The following ABLIM1 variants were observed in gnomAD, a reference collection of about 807,000 sequenced individuals.
ABLIM1 encodes actin binding LIM protein 1, also known as actin-binding LIM protein 1.
In ABLIM1, 40 loss-of-function variants were observed where a neutral mutation model predicts 107.0. The observed-to-expected ratio is 0.37, with a 90% CI of 0.29 to 0.49. The LOEUF (loss-of-function observed/expected upper bound fraction) is 0.49, where lower values mean the gene tolerates loss of function less well. Among genes scored for constraint, ABLIM1 ranks in the 20% least tolerant of loss-of-function variants. The probability of loss-of-function intolerance (pLI) is 0.97; values close to 1 mark genes in which losing one functional copy is unlikely to be tolerated. For missense variants in ABLIM1, 857 were observed against 1,008.5 expected, an observed-to-expected ratio of 0.85 and a Z score of 2.04; for synonymous variants, 357 against 357.3, an observed-to-expected ratio of 1.00 and a Z score of 0.01.
In ABLIM1 at chr10:114,433,118, C is replaced by A. The variant is rs2059023830; in HGVS notation, c.*3142G>T. 1 of 152,178 alleles carries A rather than the reference C, an allele frequency of 6.6e-6. No homozygotes were observed. Among genetic ancestry groups the A allele is most frequent in the South Asian group, 2.1e-4 (1 of 4,822 alleles). 9.4% of individuals were successfully genotyped at this position (152,178 alleles called of 1,614,324 possible). A position where few individuals can be genotyped will look rare whatever the true frequency, so the allele number is the denominator to read the frequency against. ...GGAAGTCAAATGTTCCCAAATGTAGCCCTTTACATCGGCACCAGGGAAGCC... is the reference window on the plus strand; with the variant it reads ...GGAAGTCAAATGTTCCCAAATGTAGACCTTTACATCGGCACCAGGGAAGCC... On this transcript the variant is annotated 3_prime_UTR_variant, in exon 23 of 23. Transcript: ENST00000533213.
chr10:114,795,187 T>G, the ABLIM1 span, among the ~76,000 whole-genome samples: 1 of 152,120 alleles, frequency 6.6e-6, no homozygotes, highest in Non-Finnish European at 1.5e-5. Flanking sequence ...CGCATACAAA[T>G]GGTAGCGTCT....
At chr10:114,611,173 AC>A (rs2076784919) in intron 1 of ABLIM1, among the ~76,000 whole-genome samples, 2 of 151,096 alleles carry the variant, frequency 1.3e-5, no homozygotes, top group South Asian at 4.2e-4. Flanking sequence ...AAAAATAGAT[AC>A]CCTGATACTT....
At chr10:114,765,371 A>T (rs1451919999) in intron 1 of ABLIM1, among the ~76,000 whole-genome samples, 3 of 133,826 alleles carry the variant, frequency 2.2e-5, no homozygotes, top group Non-Finnish European at 5.2e-5. Context: ...AAAAAAAAAA[A>T]ATATTCTATT....
At chr10:114,588,593 C>T (rs2074464583) in intron 2 of ABLIM1, among the ~76,000 whole-genome samples, 1 of 134,092 alleles carries the variant, frequency 7.5e-6, no homozygotes, top group Admixed American at 8.6e-5. Context: ...CTCCACAGTT[C>T]AAGCAATTCT....
At chr10:114,472,057 A>G (rs7905727) in intron 10 of ABLIM1, among the ~76,000 whole-genome samples, 3,785 of 152,096 alleles carry the variant, frequency 0.025, 169 homozygotes, top group African/African-American at 0.088. Context: ...ATGGGTCTGC[A>G]GGCCGAGTAT....
intron 15 of ABLIM1, 152 bp downstream of exon 15, chr10:114,447,728 A>T: frequency 1.8e-6 from 2 of 1,094,088 alleles, no homozygotes; most frequent in Middle Eastern, 2.6e-4. Context: ...ACAAGTTAAT[A>T]CCACGTTAGT....
intron 6 of ABLIM1, among the ~76,000 whole-genome samples, chr10:114,521,926 G>C (rs191433393): frequency 1.8e-3 from 276 of 152,288 alleles, no homozygotes; most frequent in Non-Finnish European, 2.9e-3. Flanking sequence ...GATGGCCTAG[G>C]GGTTGGGCAG....
At chr10:114,788,333 A>T in the ABLIM1 span, among the ~76,000 whole-genome samples, 2 of 133,704 alleles carry the variant, frequency 1.5e-5, no homozygotes, top group Non-Finnish European at 3.1e-5. Context: ...CAATAAAAAA[A>T]TAAAAAAAAA....
the ABLIM1 span, among the ~76,000 whole-genome samples, chr10:114,786,537 A>G: frequency 6.6e-6 from 1 of 152,266 alleles, no homozygotes; most frequent in African/African-American, 2.4e-5. Flanking sequence ...TGGATTAAAC[A>G]GTATTAAACT....
intron 6 of ABLIM1, among the ~76,000 whole-genome samples, chr10:114,493,571 G>A (rs1016827944): frequency 3.3e-5 from 5 of 152,000 alleles, no homozygotes; most frequent in East Asian, 1.9e-4. Flanking sequence ...TAAAGATCAC[G>A]AATACAAAAA....
intron 1 of ABLIM1, among the ~76,000 whole-genome samples, chr10:114,740,293 C>T (rs150555555): frequency 1.6e-3 from 251 of 152,292 alleles, no homozygotes; most frequent in Middle Eastern, 6.8e-3. Flanking sequence ...GCTTTTCCTA[C>T]TCGTAGCATA....
chr10:114,563,261 GTTGT>G (rs2070059540), intron 4 of ABLIM1, among the ~76,000 whole-genome samples: 1 of 152,178 alleles, frequency 6.6e-6, no homozygotes, highest in African/African-American at 2.4e-5. Flanking sequence ...TAATATGTGT[GTTGT>G]TTTTCAATGA....
At chr10:114,558,519 T>C (rs1350982497) in intron 4 of ABLIM1, among the ~76,000 whole-genome samples, 2 of 152,132 alleles carry the variant, frequency 1.3e-5, no homozygotes, top group African/African-American at 4.8e-5. Flanking sequence ...ATGGCTGATC[T>C]GATGAGCCCA....
chr10:114,629,848 A>C lies in ABLIM1; in HGVS notation c.245-27887T>G, dbSNP rs1395768319. Among the ~76,000 whole-genome samples, 1 of 151,178 alleles carries C rather than the reference A, an allele frequency of 6.6e-6. No individual in the cohort carries two copies. ...GTGTACCTACCAAAAACAAACAAACAAACAAACAAAAATGAAACGAAACGA... is the reference window on the plus strand; with the variant it reads ...GTGTACCTACCAAAAACAAACAAACCAACAAACAAAAATGAAACGAAACGA... On this transcript the variant is annotated intron_variant, in intron 1 of 22. Transcript: ENST00000533213. This position sits in a 1 kb window ranked among gnomAD's most constrained non-coding sequence, Gnocchi z 4.0.
At position 114,432,117 on chromosome 10, in the gene ABLIM1, T is replaced by C; in HGVS notation, c.*4143A>G. ...GTCCCAAATAATCTCTTTTTCTGGA[T>C]AGAAAGTTATTCAAAAGGGAGCACA... On this transcript the variant is annotated 3_prime_UTR_variant, in exon 23 of 23. Coordinates refer to ENST00000533213, the MANE Select transcript of ABLIM1 (RefSeq NM_002313.7). 1 of 152,210 alleles carries C rather than the reference T, an allele frequency of 6.6e-6. No homozygotes were observed. The highest frequency in any genetic ancestry group is 1.9e-4 in the East Asian group (1 of 5,196). The allele number at this position is 152,210 out of a possible 1,614,324, so 9.4% of individuals were successfully genotyped here. A position where few individuals can be genotyped will look rare whatever the true frequency, so the allele number is the denominator to read the frequency against.
intron 1 of ABLIM1, among the ~76,000 whole-genome samples, chr10:114,641,275 A>AAAAG (rs1456354545): frequency 4.1e-5 from 6 of 146,116 alleles, no homozygotes; most frequent in East Asian, 2.0e-4. Context: ...AAAAAAAAAA[A>AAAAG]GTGGACTTCG....
chr10:114,641,247 TA>T (rs35168530), intron 1 of ABLIM1, among the ~76,000 whole-genome samples: 1,663 of 36,996 alleles, frequency 0.045, 12 homozygotes, highest in African/African-American at 0.093. Flanking sequence ...AAGCCAATCA[TA>T]AAAAAAAAAA....
intron 1 of ABLIM1, among the ~76,000 whole-genome samples, chr10:114,731,207 C>T (rs962226169): frequency 5.3e-5 from 8 of 151,930 alleles, no homozygotes; most frequent in Non-Finnish European, 8.8e-5. Flanking sequence ...GTGGCATGAT[C>T]TTGGCTCACT....
chr10:114,503,562 T>C (rs924004856), intron 6 of ABLIM1, among the ~76,000 whole-genome samples: 1 of 152,172 alleles, frequency 6.6e-6, no homozygotes, highest in African/African-American at 2.4e-5. Context: ...TATACATATA[T>C]ATGCATGGGA....
Sources: gnomAD v4.1 joint callset for allele counts (sites outside exome capture counted in the v4.1 genomes callset) on GRCh38, gnomAD v4.1.1 for gene constraint, Gnocchi (gnomAD v3.1) non-coding constraint, MANE v1.5 for transcripts, NCBI Gene and HGNC (gene_info 2026-07-23, HGNC 2026-07-21) for gene names.